REEP3: variants seen among roughly 807,000 people sequenced by gnomAD.
REEP3 encodes the protein receptor accessory protein 3, also known as receptor expression-enhancing protein 3.
A neutral mutation model predicts 41.3 loss-of-function variants in REEP3; 20 were observed. The ratio of observed to expected loss-of-function variants is 0.48; its 90% confidence interval spans 0.34 to 0.70. The LOEUF is 0.70. REEP3 is among the 30% of genes least tolerant of loss of function. REEP3 has a pLI of 0.01. For synonymous variants in REEP3, 104 were observed against 101.8 expected (o/e 1.02, Z -0.13); for missense variants, 271 against 308.8 (o/e 0.88, Z 0.92).
Position 63,524,493 on chromosome 10 carries a change from G to A in REEP3, c.32+2916G>A, listed in dbSNP as rs373975293. ...CTCTCTGTCGCCCACGCTGGAGTGC[G>A]GTGGTGTGATCTCAACTCACTGCAA... On this transcript the variant is annotated intron_variant, in intron 1 of 7. Coordinates refer to ENST00000373758, the MANE Select transcript of REEP3 (RefSeq NM_001001330.3). Among the ~76,000 whole-genome samples, 10 of 151,700 alleles carry A rather than the reference G, an allele frequency of 6.6e-5. No homozygotes were observed. The East Asian group carries it at 7.8e-4, about 12-fold the overall frequency.
At chr10:63,537,453 T>C (rs933073318) in intron 1 of REEP3, among the ~76,000 whole-genome samples, 1 of 152,196 alleles carries the variant, frequency 6.6e-6, no homozygotes, top group African/African-American at 2.4e-5. Context: ...AACAATGATA[T>C]TTGATATTCT....
At chr10:63,574,847 CTTTTTTTTTTTTTTTTT>C (rs56001048) in intron 2 of REEP3, among the ~76,000 whole-genome samples, 11 of 58,894 alleles carry the variant, frequency 1.9e-4, no homozygotes, top group Non-Finnish European at 3.1e-4. Flanking sequence ...AGGTCAATTT[CTTTTTTTTTTTTTTTTT>C]TTTTTTTTTT....
chr10:63,606,941 C>T (rs1279535252), intron 5 of REEP3, among the ~76,000 whole-genome samples: 1 of 152,200 alleles, frequency 6.6e-6, no homozygotes, highest in Non-Finnish European at 1.5e-5. Flanking sequence ...TCATATTATG[C>T]ATGTGCTATA....
chr10:63,570,513 G>A (rs1279480235), intron 2 of REEP3, among the ~76,000 whole-genome samples: 2 of 152,130 alleles, frequency 1.3e-5, no homozygotes, highest in Non-Finnish European at 2.9e-5. Flanking sequence ...TTGTGTCATG[G>A]GGGTGTGTGG....
At chr10:63,526,637 TTTTA>T (rs1314177196) in intron 1 of REEP3, among the ~76,000 whole-genome samples, 3 of 152,100 alleles carry the variant, frequency 2.0e-5, no homozygotes, top group Non-Finnish European at 4.4e-5. Flanking sequence ...TTCTTTTGTA[TTTTA>T]TTTATCAGCA....
intron 3 of REEP3, among the ~76,000 whole-genome samples, chr10:63,596,975 A>G (rs946198921): frequency 2.6e-5 from 4 of 152,190 alleles, no homozygotes; most frequent in African/African-American, 9.6e-5. Context: ...AGCTGTTCTC[A>G]TGCCAGAAGG....
At chr10:63,610,131 TAAATG>T in intron 5 of REEP3, 51 bp from the exon 6 acceptor site, 1 of 1,430,846 alleles carries the variant, frequency 7.0e-7, no homozygotes, top group Non-Finnish European at 9.6e-7. Context: ...CAGGGATAGT[TAAATG>T]TAAGCATACT....
intron 6 of REEP3, among the ~76,000 whole-genome samples, chr10:63,615,961 G>C (rs189555870): frequency 6.6e-6 from 1 of 151,946 alleles, no homozygotes; most frequent in African/African-American, 2.4e-5. Flanking sequence ...CCCCACTTAC[G>C]CTCCCTTCCC....
At chr10:63,558,146 G>T (rs1330786151) in intron 1 of REEP3, among the ~76,000 whole-genome samples, 1 of 152,162 alleles carries the variant, frequency 6.6e-6, no homozygotes, top group Non-Finnish European at 1.5e-5. Context: ...AAGGAGACAG[G>T]TGTAATAATT....
At chr10:63,599,812 T>C (rs141648246) in intron 5 of REEP3, 1 of 324,870 alleles carries the variant, frequency 3.1e-6, no homozygotes, top group African/African-American at 2.2e-5. Context: ...AGCCAAGTTA[T>C]CAAATGAATG....
chr10:63,543,082 G>C (rs1955544025), intron 1 of REEP3, among the ~76,000 whole-genome samples: 1 of 152,108 alleles, frequency 6.6e-6, no homozygotes, highest in Non-Finnish European at 1.5e-5. Flanking sequence ...GTGACCTCAG[G>C]AGTCTGTGTT....
At chr10:63,602,573 CAAAG>C (rs1033469935) in intron 5 of REEP3, among the ~76,000 whole-genome samples, 11 of 152,240 alleles carry the variant, frequency 7.2e-5, no homozygotes, top group Admixed American at 4.6e-4. Context: ...TCTCAAAAAA[CAAAG>C]AAGCATACAA....
At chr10:63,568,800 C>T (rs1955827014) in intron 2 of REEP3, among the ~76,000 whole-genome samples, 1 of 146,058 alleles carries the variant, frequency 6.8e-6, no homozygotes, top group Non-Finnish European at 1.5e-5. Context: ...GGACTACAGC[C>T]GTGCACCACC....
At chr10:63,588,579 A>C (rs1956028918) in intron 2 of REEP3, among the ~76,000 whole-genome samples, 1 of 152,182 alleles carries the variant, frequency 6.6e-6, no homozygotes, top group Non-Finnish European at 1.5e-5. Context: ...TTCATTCACC[A>C]ATCCATCAAC....
At chr10:63,610,860 G>T (rs1956272612) in intron 6 of REEP3, among the ~76,000 whole-genome samples, 1 of 152,134 alleles carries the variant, frequency 6.6e-6, no homozygotes, top group African/African-American at 2.4e-5. Context: ...CACGAGGTTA[G>T]GAGTTCACGA....
At chr10:63,536,957 A>G (rs1383255449) in intron 1 of REEP3, among the ~76,000 whole-genome samples, 2 of 152,240 alleles carry the variant, frequency 1.3e-5, no homozygotes, top group Non-Finnish European at 2.9e-5. Flanking sequence ...GCCCTAACTT[A>G]TAGTGTTAAT....
intron 5 of REEP3, among the ~76,000 whole-genome samples, chr10:63,601,141 G>A (rs1956168623): frequency 1.3e-5 from 2 of 151,190 alleles, no homozygotes; most frequent in Non-Finnish European, 3.0e-5. Context: ...GTGACAGAGC[G>A]AGACTCCATC....
At chr10:63,575,906 T>G (rs1955895054) in intron 2 of REEP3, among the ~76,000 whole-genome samples, 1 of 152,138 alleles carries the variant, frequency 6.6e-6, no homozygotes, top group South Asian at 2.1e-4. Context: ...GCTAATTTTG[T>G]ATTTTTAGTA....
intron 1 of REEP3, among the ~76,000 whole-genome samples, chr10:63,535,603 G>A (rs1955466723): frequency 6.6e-6 from 1 of 152,138 alleles, no homozygotes; most frequent in Non-Finnish European, 1.5e-5. Flanking sequence ...TTATTATAAT[G>A]TAGGAATTAC....
Sources: gnomAD v4.1 joint callset for allele counts (sites outside exome capture counted in the v4.1 genomes callset) on GRCh38, gnomAD v4.1.1 for gene constraint, MANE v1.5 for transcripts, NCBI Gene and HGNC (gene_info 2026-07-23, HGNC 2026-07-21) for gene names.